The following CYP11A1 variants were observed in gnomAD, a reference collection of about 807,000 sequenced individuals.
CYP11A1 encodes cytochrome P450 family 11 subfamily A member 1.
A neutral mutation model predicts 51.9 loss-of-function variants in CYP11A1; 25 were observed. The observed-to-expected ratio is 0.48, with a 90% CI of 0.35 to 0.67. The LOEUF (loss-of-function observed/expected upper bound fraction) is 0.67. Ranked by LOEUF, CYP11A1 falls within the 30% of genes least tolerant of loss-of-function variation. The pLI is 0.00. For synonymous variants in CYP11A1, 245 were observed against 262.1 expected (o/e 0.93, Z 0.63); for missense variants, 578 against 680.9 (o/e 0.85, Z 1.68).
chr15:74,343,078 C>G lies in CYP11A1; in HGVS notation c.889G>C (p.Asp297His), dbSNP rs777640411. The change falls in exon 5 of 9, where the codon GAT becomes CAT. Residue 297 changes from aspartate (D) to histidine (H), a missense_variant. Asp to His is a moderately conservative substitution (Grantham distance 81). Transcript: ENST00000268053. ...AGTCTGTAGAGGATGCCACGGTAATCGTGGTGAACACTTCCTTTCTGTCTC... is the reference window on the plus strand; with the variant it reads ...AGTCTGTAGAGGATGCCACGGTAATGGTGGTGAACACTTCCTTTCTGTCTC... Reference protein sequence around the residue: ...ELRQKGSVHHDYRGILYRLLG... With the variant: ...ELRQKGSVHHHYRGILYRLLG... 3 of 1,613,756 alleles carry G rather than the reference C, an allele frequency of 1.9e-6. No homozygotes were observed. The highest frequency in any genetic ancestry group is 2.5e-6 in the Non-Finnish European group (3 of 1,180,028).
chr15:74,351,556 GC>G (rs1175432037), intron 1 of CYP11A1, among the ~76,000 whole-genome samples: 1 of 152,170 alleles, frequency 6.6e-6, no homozygotes, highest in East Asian at 1.9e-4. Flanking sequence ...TGCATGTGAT[GC>G]CCACCTAAAG....
At chr15:74,354,687 T>G (rs2060670762) in intron 1 of CYP11A1, 1 of 155,392 alleles carries the variant, frequency 6.4e-6, no homozygotes, top group Non-Finnish European at 1.4e-5. Context: ...TTAAACCCGG[T>G]AAGCAGCCTC....
rs541047141 is a variant in CYP11A1, at chr15:74,347,107, C to T, written c.425+793G>A. Among the ~76,000 whole-genome samples the T allele has an allele frequency of 2.0e-5, 3 of 152,162 alleles. No homozygotes were observed. In the East Asian group the frequency reaches 5.9e-4, roughly 30 times the overall value. On this transcript the variant is annotated intron_variant, in intron 2 of 8. Transcript: ENST00000268053. ...AGGCATGAGCCAATGCGCCCTGACC[C>T]TCATTTTACATTTTTGATGGGGTGG...
chr15:74,345,526 A>G lies in CYP11A1; in HGVS notation c.426-283T>C, dbSNP rs11632698. On this transcript the variant is annotated intron_variant, in intron 2 of 8. Transcript: ENST00000268053. This position sits in a 1 kb window ranked among gnomAD's most constrained non-coding sequence, Gnocchi z 4.3. The stretch of plus-strand genomic sequence containing the variant: ...AGGGCCAGGAACTGATATTCTTAGA[A>G]CCCTTTGTGTAACTTTCAGTCTCTC... 0.48 allele frequency among the ~76,000 whole-genome samples: 72,201 copies of G among 151,646 alleles called. 19,189 individuals are homozygous for G. Among genetic ancestry groups the G allele is most frequent in the Non-Finnish European group, 0.61 (41,118 of 67,906 alleles).
chr15:74,337,895 A>G lies in CYP11A1; in HGVS notation c.*77T>C. 1 of 1,594,404 alleles carries G rather than the reference A, an allele frequency of 6.3e-7. No homozygotes were observed. The highest frequency in any genetic ancestry group is 8.6e-7 in the Non-Finnish European group (1 of 1,165,674). The stretch of plus-strand genomic sequence containing the variant: ...CAGAAAGGAGCAGGACTTGGGACAG[A>G]CGACTGAAGATGCAGAGACCCCATG... On this transcript the variant is annotated 3_prime_UTR_variant, in exon 9 of 9. Transcript: ENST00000268053.
chr15:74,358,162 A>T (rs1337003973), intron 1 of CYP11A1, among the ~76,000 whole-genome samples: 1 of 152,204 alleles, frequency 6.6e-6, no homozygotes, highest in Non-Finnish European at 1.5e-5. Context: ...CATTCACTGC[A>T]AGGGCCATCA....
chr15:74,359,027 C>A (rs751514476), intron 1 of CYP11A1, among the ~76,000 whole-genome samples: 1 of 152,036 alleles, frequency 6.6e-6, no homozygotes, highest in East Asian at 1.9e-4. Flanking sequence ...ACTCTCTAAT[C>A]GGATGTCCTG....
chr15:74,342,889 A>C (rs950792429), intron 5 of CYP11A1, 88 bp downstream of exon 5: 9 of 1,403,974 alleles, frequency 6.4e-6, no homozygotes, highest in Non-Finnish European at 8.0e-6. Context: ...CGCCTTGAAC[A>C]ACAGGGTTTC....
chr15:74,355,147 G>A (rs915567302), intron 1 of CYP11A1, among the ~76,000 whole-genome samples: 1 of 5,198 alleles, frequency 1.9e-4, no homozygotes, highest in Non-Finnish European at 3.3e-4. Context: ...CTTCACTATG[G>A]GCAAACTTCC....
At chr15:74,338,376 T>G in intron 8 of CYP11A1, 195 bp downstream of exon 8, 1 of 723,970 alleles carries the variant, frequency 1.4e-6, no homozygotes, top group Non-Finnish European at 2.4e-6. Context: ...GGGGCATCAG[T>G]GGGTGATGAG....
intron 1 of CYP11A1, chr15:74,361,733 G>A (rs1567057748): frequency 7.9e-7 from 1 of 1,264,338 alleles, no homozygotes; most frequent in Non-Finnish European, 1.2e-6. Context: ...CAGGATTTAT[G>A]TGTCAGGGTG....
At chr15:74,344,969 A>G (rs772949596) in intron 3 of CYP11A1, 75 bp downstream of exon 3, 1 of 1,351,998 alleles carries the variant, frequency 7.4e-7, no homozygotes, top group Admixed American at 1.8e-5. Flanking sequence ...TCTGTACTGA[A>G]CCTCAAGGTA....
intron 1 of CYP11A1, chr15:74,363,350 T>C: frequency 6.6e-6 from 1 of 152,376 alleles, no homozygotes; most frequent in Non-Finnish European, 1.5e-5. Flanking sequence ...TCCTCCTGCC[T>C]TGGCCTCCCA....
chr15:74,367,304 C>T lies in CYP11A1; in HGVS notation c.269+13G>A. On this transcript the variant is annotated intron_variant, in intron 1 of 8. Coordinates refer to ENST00000268053, the MANE Select transcript of CYP11A1 (RefSeq NM_000781.3). ...TCCCTGTCCCTTCGGCTCCCACCCT[C>T]TGCCAGGCTTACCTGTAAATCGGGC... The T allele has an allele frequency of 4.3e-6, 7 of 1,614,174 alleles. No individual in the cohort carries two copies. The highest frequency in any genetic ancestry group is 4.2e-6 in the Non-Finnish European group (5 of 1,180,030).
rs2060619749 is a variant in CYP11A1 at position 74,343,824 on chromosome 15, T to C, written c.794A>G (p.Asp265Gly). Residue 265 changes from aspartate (D) to glycine (G), a missense_variant, in exon 4 of 9, where the codon GAC becomes GGC. By Grantham distance (94) the Asp-to-Gly change is moderately conservative. Transcript: ENST00000268053. ...AATCACGTCCCATGCAGCCACATGG[T>C]CCTTCCAGGTCTTGGTCCTGAACAG... ...FRLFRTKTWK[D>G]HVAAWDVIFS... is the part of the protein sequence containing the mutation. 1 of 1,613,132 alleles carries C rather than the reference T, an allele frequency of 6.2e-7. No homozygotes were observed. Among genetic ancestry groups the C allele is most frequent in the Non-Finnish European group, 8.5e-7 (1 of 1,180,024 alleles).
At chr15:74,363,472 G>T (rs2060717810) in intron 1 of CYP11A1, 1 of 152,162 alleles carries the variant, frequency 6.6e-6, no homozygotes, top group Non-Finnish European at 1.5e-5. Context: ...GACCTCAAGT[G>T]AGCCACCTCA....
Position 74,343,073 on chromosome 15 carries a change from G to A in CYP11A1, c.894C>T (p.Tyr298=). The A allele has an allele frequency of 6.2e-7, 1 of 1,613,870 alleles. No individual in the cohort carries two copies. The part of the protein sequence containing the change: ...LRQKGSVHHD[Y]RGILYRLLGD... The stretch of plus-strand genomic sequence containing the variant: ...CCAGGAGTCTGTAGAGGATGCCACG[G>A]TAATCGTGGTGAACACTTCCTTTCT... Residue 298 remains tyrosine (Y), a synonymous_variant, in exon 5 of 9, where the codon TAC becomes TAT. Coordinates refer to ENST00000268053, the MANE Select transcript of CYP11A1 (RefSeq NM_000781.3).
In CYP11A1 at chr15:74,367,614, C is replaced by G; in HGVS notation, c.-29G>C. On this transcript the variant is annotated 5_prime_UTR_variant, in exon 1 of 9. Coordinates refer to ENST00000268053, the MANE Select transcript of CYP11A1 (RefSeq NM_000781.3). ...GTCCCCACAGCTGTGACTGTACCTG[C>G]TCCACTTCAGCGGGGACTGCTAGGA... 6.2e-7 allele frequency: 1 copy of G among 1,610,272 alleles called. No homozygotes were observed. Among genetic ancestry groups the G allele is most frequent in the Middle Eastern group, 2.0e-4 (1 of 5,072 alleles).
chr15:74,358,527 T>A (rs1435809081), intron 1 of CYP11A1, among the ~76,000 whole-genome samples: 2 of 152,266 alleles, frequency 1.3e-5, no homozygotes, highest in East Asian at 3.9e-4. Context: ...TTCCATCTGC[T>A]AGTCTACTAC....
Sources: allele counts gnomAD v4.1 joint callset (sites outside exome capture counted in the v4.1 genomes callset), GRCh38; gene constraint gnomAD v4.1.1; non-coding constraint Gnocchi (gnomAD v3.1); transcripts MANE v1.5; gene names NCBI Gene and HGNC (gene_info 2026-07-23, HGNC 2026-07-21).